The following EPB41L3 variants were observed in gnomAD, a reference collection of about 807,000 sequenced individuals.
EPB41L3 encodes the protein band 4.1-like protein 3.
EPB41L3 carries 57 observed loss-of-function variants against 127.1 expected under a neutral mutation model. The observed-to-expected ratio is 0.45, with a 90% CI of 0.36 to 0.56. The LOEUF is 0.56. Among genes scored for constraint, EPB41L3 ranks in the 20% least tolerant of loss-of-function variants. EPB41L3 has a pLI of 0.00. For synonymous variants in EPB41L3, 572 were observed against 549.5 expected (o/e 1.04, Z -0.57); for missense variants, 1,273 against 1,372.2 (o/e 0.93, Z 1.14).
At chr18:5,455,580 C>T (rs1262887598) in intron 3 of EPB41L3, among the ~76,000 whole-genome samples, 1 of 151,590 alleles carries the variant, frequency 6.6e-6, no homozygotes, top group Non-Finnish European at 1.5e-5. Flanking sequence ...ACAAAAGTAC[C>T]TCCCTACATA....
chr18:5,587,792 T>C (rs2094453551), intron 3 of EPB41L3, among the ~76,000 whole-genome samples: 1 of 152,214 alleles, frequency 6.6e-6, no homozygotes, highest in Non-Finnish European at 1.5e-5. Context: ...ATCTATTATA[T>C]GGCTCTAATT....
chr18:5,612,395 G>A (rs1599315030), exon 3 of EPB41L3: 1 of 152,396 alleles, frequency 6.6e-6, no homozygotes, highest in African/African-American at 2.4e-5. Flanking sequence ...CAGGGGATCT[G>A]TCCTTGCCTG....
At chr18:5,444,936 C>A (rs2081276508) in intron 4 of EPB41L3, among the ~76,000 whole-genome samples, 1 of 152,110 alleles carries the variant, frequency 6.6e-6, no homozygotes, top group Non-Finnish European at 1.5e-5. Context: ...TTACTGTTAC[C>A]AGAATATTCA....
At chr18:5,489,687 C>T (rs2090358786) in intron 1 of EPB41L3, among the ~76,000 whole-genome samples, 1 of 152,180 alleles carries the variant, frequency 6.6e-6, no homozygotes, top group African/African-American at 2.4e-5. Context: ...AAATGCCTTT[C>T]CCATGTGATT....
At position 5,592,629 on chromosome 18, in the gene EPB41L3, G is replaced by A. The variant is rs2094496386; in HGVS notation, c.-306+19711C>T. On this transcript the variant is annotated intron_variant, in intron 3 of 21. Transcript: ENST00000545076. ...GTTGTGCCAGCTACTTACACCATGT[G>A]AGCAGCAAATATGGAGCCAGGCTTC... Among the ~76,000 whole-genome samples, 3 of 152,214 alleles carry A rather than the reference G, an allele frequency of 2.0e-5. No individual in the cohort carries two copies. In the South Asian group the frequency reaches 6.2e-4, roughly 32 times the overall value.
At chr18:5,628,714 G>A (rs1038017447) in intron 1 of EPB41L3, among the ~76,000 whole-genome samples, 6 of 152,148 alleles carry the variant, frequency 3.9e-5, no homozygotes, top group African/African-American at 1.4e-4. Context: ...GGGCCGAGGG[G>A]GCGGCCGAAC....
intron 3 of EPB41L3, among the ~76,000 whole-genome samples, chr18:5,592,167 T>C (rs2094491876): frequency 6.6e-6 from 1 of 152,180 alleles, no homozygotes; most frequent in Non-Finnish European, 1.5e-5. Context: ...TTGTTAATTT[T>C]TAAATTTTTA....
At chr18:5,460,552 G>C (rs985704896) in intron 3 of EPB41L3, among the ~76,000 whole-genome samples, 2 of 152,150 alleles carry the variant, frequency 1.3e-5, no homozygotes, top group Non-Finnish European at 2.9e-5. Context: ...TACATAATGA[G>C]GAGCATAATC....
intron 3 of EPB41L3, among the ~76,000 whole-genome samples, chr18:5,593,306 G>T (rs2094504122): frequency 6.6e-6 from 1 of 151,754 alleles, no homozygotes; most frequent in African/African-American, 2.4e-5. Context: ...GCCGGTTTGA[G>T]AAATAAAGGG....
intron 3 of EPB41L3, among the ~76,000 whole-genome samples, chr18:5,473,966 T>C (rs1235084197): frequency 6.6e-6 from 1 of 152,126 alleles, no homozygotes; most frequent in Non-Finnish European, 1.5e-5. Flanking sequence ...GTGTGGTGGC[T>C]CACACCTGTA....
At chr18:5,401,149 A>T in intron 16 of EPB41L3, 1 of 557,776 alleles carries the variant, frequency 1.8e-6, no homozygotes. Context: ...TCTATCTATC[A>T]TCTCATATAT....
chr18:5,481,619 G>T (rs1046605775), intron 2 of EPB41L3, among the ~76,000 whole-genome samples: 2 of 152,148 alleles, frequency 1.3e-5, no homozygotes, highest in Non-Finnish European at 2.9e-5. Flanking sequence ...AGAAAAAGCC[G>T]GGAGATGGGA....
At chr18:5,419,636 G>A in intron 12 of EPB41L3, 75 bp downstream of exon 12, 1 of 1,584,378 alleles carries the variant, frequency 6.3e-7, no homozygotes, top group Non-Finnish European at 8.6e-7. Context: ...GCACATTCCT[G>A]GTTTACAGCC....
At chr18:5,550,226 A>G (rs537410534) in intron 3 of EPB41L3, among the ~76,000 whole-genome samples, 5 of 152,284 alleles carry the variant, frequency 3.3e-5, no homozygotes, top group South Asian at 2.1e-4. Flanking sequence ...AGAGAATTTC[A>G]ATACATTTTG....
In EPB41L3 at chr18:5,395,107, C is replaced by A. The variant is rs754937234; in HGVS notation, c.3113G>T (p.Arg1038Leu). ...GTCTGCATCCCCCGTGATGACTATT[C>A]GCTTCTCAATTCTTGTCTCTGAAAT... ...GGISETRIEK[R>L]IVITGDADID... The change falls in exon 21 of 23, where the codon CGA (arginine) becomes CTA (leucine). Residue 1038 changes from arginine (R) to leucine (L), a missense_variant. By Grantham distance (102) the Arg-to-Leu change is moderately radical. Coordinates refer to ENST00000341928, the MANE Select transcript of EPB41L3 (RefSeq NM_012307.5). 31 of 1,614,010 alleles carry A rather than the reference C, an allele frequency of 1.9e-5. No homozygotes were observed. Among genetic ancestry groups the A allele is most frequent in the Non-Finnish European group, 2.5e-5 (30 of 1,180,018 alleles).
intron 2 of EPB41L3, 54 bp downstream of exon 2, chr18:5,488,947 A>T (rs2090235869): frequency 6.6e-6 from 10 of 1,519,020 alleles, no homozygotes; most frequent in Non-Finnish European, 7.8e-6. Flanking sequence ...GTTAAAGCCG[A>T]TCCTGGAGCA....
chr18:5,595,968 G>C (rs1468991374), intron 3 of EPB41L3, among the ~76,000 whole-genome samples: 1 of 152,060 alleles, frequency 6.6e-6, no homozygotes, highest in East Asian at 1.9e-4. Flanking sequence ...CCGTTTTTAA[G>C]TCTTTAAGGT....
rs78559303 is a variant in EPB41L3 at position 5,520,661 on chromosome 18, A to C, written c.-12+23252T>G. On this transcript the variant is annotated intron_variant, in intron 1 of 22. Transcript: ENST00000341928. ...AAAATAAAAAGGGGCAACCACAAAAAAATTAAAACATGTCATAAACTCCTG... is the reference window on the plus strand; with the variant it reads ...AAAATAAAAAGGGGCAACCACAAAACAATTAAAACATGTCATAAACTCCTG... Among the ~76,000 whole-genome samples the C allele has an allele frequency of 7.0e-3, 1,059 of 152,306 alleles. 15 individuals carry two copies. Among genetic ancestry groups the C allele is most frequent in the African/African-American group, 0.025 (1,023 of 41,574 alleles).
chr18:5,544,297 A>C, upstream of EPB41L3: 1 of 985,426 alleles, frequency 1.0e-6, no homozygotes, highest in Non-Finnish European at 1.2e-6. Context: ...CACTTAGATG[A>C]TGGCCTGGCC....
Sources: gnomAD v4.1 joint callset for allele counts (sites outside exome capture counted in the v4.1 genomes callset) on GRCh38, gnomAD v4.1.1 for gene constraint, MANE v1.5 for transcripts, NCBI Gene and HGNC (gene_info 2026-07-23, HGNC 2026-07-21) for gene names.